CCDC172: variants seen among roughly 807,000 people sequenced by gnomAD.
CCDC172 encodes coiled-coil domain containing 172.
A neutral mutation model predicts 38.0 loss-of-function variants in CCDC172; 30 were observed. The ratio of observed to expected loss-of-function variants is 0.79; its 90% CI spans 0.59 to 1.07. The LOEUF (loss-of-function observed/expected upper bound fraction) is 1.07, where lower values mean the gene tolerates loss of function less well. Among genes scored for constraint, CCDC172 ranks in the 50% least tolerant of loss-of-function variants. The pLI is 0.00. For missense variants in CCDC172, 297 were observed against 290.1 expected, an observed-to-expected ratio of 1.02 and a Z score of -0.17; for synonymous variants, 78 against 88.3, an observed-to-expected ratio of 0.88 and a Z score of 0.66.
Position 116,352,945 on chromosome 10 carries a change from G to A in CCDC172, c.449-4435G>A, listed in dbSNP as rs981691087. On this transcript the variant is annotated intron_variant, in intron 5 of 8. Transcript: ENST00000333254. ...ACAGTGGCTCATGCCTGTAATCCCAGTACTTTGGGAGGCCAAGGCGGGTGG... is the reference window on the plus strand; with the variant it reads ...ACAGTGGCTCATGCCTGTAATCCCAATACTTTGGGAGGCCAAGGCGGGTGG... Among the ~76,000 whole-genome samples, 3 of 152,254 alleles carry A rather than the reference G, an allele frequency of 2.0e-5. No homozygotes were observed. The East Asian group carries it at 5.8e-4, about 30-fold the overall frequency.
At chr10:116,378,311 T>C (rs865929499) in intron 7 of CCDC172, 112 bp from the exon 8 acceptor site, 2 of 1,048,092 alleles carry the variant, frequency 1.9e-6, no homozygotes, top group Middle Eastern at 6.7e-4. Context: ...GCCAATTATT[T>C]AGTCTTAACT....
intron 7 of CCDC172, among the ~76,000 whole-genome samples, chr10:116,370,948 T>A (rs12246949): frequency 0.12 from 17,660 of 151,848 alleles, 1,595 homozygotes; most frequent in African/African-American, 0.25. Context: ...TTTTATTCAT[T>A]GATATTTTTG....
chr10:116,340,462 G>T (rs1168340867), intron 3 of CCDC172, among the ~76,000 whole-genome samples: 1 of 151,730 alleles, frequency 6.6e-6, no homozygotes, highest in African/African-American at 2.4e-5. Context: ...AATTCTTCTA[G>T]GTATTGAGAG....
intron 5 of CCDC172, among the ~76,000 whole-genome samples, chr10:116,345,718 C>T (rs999267459): frequency 3.3e-5 from 5 of 151,898 alleles, no homozygotes; most frequent in Non-Finnish European, 5.9e-5. Flanking sequence ...TATCTTTAGT[C>T]ATTTGGAAAA....
At chr10:116,346,922 A>G (rs78570572) in intron 5 of CCDC172, among the ~76,000 whole-genome samples, 3,203 of 152,258 alleles carry the variant, frequency 0.021, 107 homozygotes, top group African/African-American at 0.073. Flanking sequence ...TGACTGCTTC[A>G]AAAGGAGAAG....
In CCDC172 at chr10:116,329,050, ACCTT is replaced by A. The variant is rs1589945753; in HGVS notation, c.165+3670_165+3673del. ...ATACTTGGCAAATAAATTATATAAC[ACCTT>A]CCTTCCTGAATTACAGGATTGACAT... On this transcript the variant is annotated intron_variant, in intron 3 of 8. Coordinates refer to ENST00000333254, the MANE Select transcript of CCDC172 (RefSeq NM_198515.3). 2.0e-5 allele frequency among the ~76,000 whole-genome samples: 3 copies of A among 152,198 alleles called. No homozygotes were observed. The East Asian group carries it at 5.8e-4, about 29-fold the overall frequency.
intron 3 of CCDC172, among the ~76,000 whole-genome samples, chr10:116,338,614 T>C (rs1844757985): frequency 6.6e-6 from 1 of 152,144 alleles, no homozygotes; most frequent in African/African-American, 2.4e-5. Flanking sequence ...TGAAATATTC[T>C]GGTTAAGTGC....
chr10:116,363,873 A>G (rs555069214), intron 7 of CCDC172, among the ~76,000 whole-genome samples: 2 of 151,694 alleles, frequency 1.3e-5, no homozygotes, highest in East Asian at 1.9e-4. Flanking sequence ...AGAGGTTGCA[A>G]TGAGCCGAGA....
At chr10:116,348,274 GTCT>G (rs1310565783) in intron 5 of CCDC172, among the ~76,000 whole-genome samples, 2 of 151,916 alleles carry the variant, frequency 1.3e-5, no homozygotes, top group African/African-American at 2.4e-5. Flanking sequence ...GCTTCCATTT[GTCT>G]TCTTACCTGT....
At chr10:116,372,923 A>C (rs1354567188) in intron 7 of CCDC172, among the ~76,000 whole-genome samples, 2 of 152,198 alleles carry the variant, frequency 1.3e-5, no homozygotes, top group Admixed American at 1.3e-4. Flanking sequence ...CAGAATTGTC[A>C]GTGAAAATCC....
intron 7 of CCDC172, among the ~76,000 whole-genome samples, chr10:116,364,028 CATT>C (rs1305100013): frequency 2.0e-5 from 3 of 151,552 alleles, no homozygotes; most frequent in Non-Finnish European, 2.9e-5. Context: ...AAATTATAGT[CATT>C]ATGATAAACA....
chr10:116,361,046 ATTATT>A (rs1845058173), intron 7 of CCDC172, among the ~76,000 whole-genome samples: 1 of 16,186 alleles, frequency 6.2e-5, no homozygotes, highest in Non-Finnish European at 2.4e-4. Flanking sequence ...TATTATTATT[ATTATT>A]ATTATTATTA....
intron 5 of CCDC172, among the ~76,000 whole-genome samples, chr10:116,352,652 C>A: frequency 6.6e-6 from 1 of 151,984 alleles, no homozygotes; most frequent in Non-Finnish European, 1.5e-5. Context: ...AAACCCACAG[C>A]TAATGTCATT....
intron 5 of CCDC172, among the ~76,000 whole-genome samples, chr10:116,353,929 A>G (rs562373037): frequency 6.6e-6 from 1 of 152,344 alleles, no homozygotes; most frequent in East Asian, 1.9e-4. Flanking sequence ...CTTTGGAAGC[A>G]GTTTGGCCGT....
At chr10:116,365,814 G>A (rs780226645) in intron 7 of CCDC172, among the ~76,000 whole-genome samples, 2 of 152,148 alleles carry the variant, frequency 1.3e-5, no homozygotes, top group Non-Finnish European at 2.9e-5. Flanking sequence ...CCTTTTCTAT[G>A]TTTAGATACA....
intron 7 of CCDC172, among the ~76,000 whole-genome samples, chr10:116,367,688 A>G (rs1845140174): frequency 6.6e-6 from 1 of 152,104 alleles, no homozygotes; most frequent in Non-Finnish European, 1.5e-5. Flanking sequence ...TAGAAAATTA[A>G]CAAACAGGAA....
At chr10:116,329,841 A>G (rs1417067157) in intron 3 of CCDC172, among the ~76,000 whole-genome samples, 1 of 152,138 alleles carries the variant, frequency 6.6e-6, no homozygotes, top group Non-Finnish European at 1.5e-5. Context: ...AAAAACCGCT[A>G]GTTTTACTTA....
intron 5 of CCDC172, among the ~76,000 whole-genome samples, chr10:116,352,789 GAAAA>G (rs1282784161): frequency 1.3e-5 from 2 of 150,748 alleles, no homozygotes; most frequent in African/African-American, 4.9e-5. Context: ...AAAAAAAAGA[GAAAA>G]AGAAAAAGCA....
intron 7 of CCDC172, among the ~76,000 whole-genome samples, chr10:116,369,806 A>T (rs1474281063): frequency 2.0e-5 from 3 of 151,968 alleles, no homozygotes; most frequent in Non-Finnish European, 1.5e-5. Context: ...AGGTCATACC[A>T]TTTTGAATTT....
Sources: gnomAD v4.1 joint callset for allele counts (sites outside exome capture counted in the v4.1 genomes callset) on GRCh38, gnomAD v4.1.1 for gene constraint, MANE v1.5 for transcripts, NCBI Gene and HGNC (gene_info 2026-07-23, HGNC 2026-07-21) for gene names.